Variants in SORT1 observed in about 807,000 individuals in gnomAD.
SORT1 encodes sortilin 1, also known as sortilin.
SORT1 carries 39 observed loss-of-function variants against 101.7 expected under a neutral mutation model. The ratio of observed to expected loss-of-function variants is 0.38; its 90% CI spans 0.30 to 0.50. The LOEUF (loss-of-function observed/expected upper bound fraction) is 0.50. SORT1 is among the 20% of genes least tolerant of loss of function. The pLI, the probability that SORT1 is intolerant of heterozygous loss-of-function variation, is 0.90. For missense variants in SORT1, 878 were observed against 1,040.4 expected, an observed-to-expected ratio of 0.84 and a Z score of 2.15; for synonymous variants, 396 against 393.7, an observed-to-expected ratio of 1.01 and a Z score of -0.07.
intron 3 of SORT1, among the ~76,000 whole-genome samples, chr1:109,362,938 C>T (rs907486520): frequency 2.0e-5 from 3 of 152,110 alleles, no homozygotes; most frequent in African/African-American, 7.2e-5. Context: ...TGTTACACAA[C>T]ATGCCTTGAA....
intron 13 of SORT1, among the ~76,000 whole-genome samples, 200 bp from the exon 14 acceptor site, chr1:109,325,289 G>A (rs1051538693): frequency 7.2e-6 from 1 of 138,320 alleles, no homozygotes; most frequent in Non-Finnish European, 1.5e-5. Context: ...CCGGGCTGGA[G>A]TGCAGTGGCG....
intron 3 of SORT1, 44 bp downstream of exon 3, chr1:109,367,364 A>C (rs761156448): frequency 3.7e-6 from 4 of 1,085,872 alleles, no homozygotes; most frequent in Non-Finnish European, 5.6e-6. Flanking sequence ...CTATATTCTC[A>C]ATGTTACTTA....
chr1:109,337,093 C>T (rs1648884622), intron 10 of SORT1, among the ~76,000 whole-genome samples: 2 of 151,616 alleles, frequency 1.3e-5, no homozygotes, highest in African/African-American at 4.8e-5. Flanking sequence ...GGATTAATAA[C>T]TCTGAATTAT....
chr1:109,365,904 A>G (rs1651054797), intron 3 of SORT1, among the ~76,000 whole-genome samples: 2 of 152,210 alleles, frequency 1.3e-5, no homozygotes, highest in South Asian at 4.1e-4. Context: ...AAGAGAGGTT[A>G]GGCTAATCCA....
In SORT1 at chr1:109,322,987, A is replaced by G; in HGVS notation, c.1969T>C (p.Tyr657His). Residue 657 changes from tyrosine (Y) to histidine (H), a missense_variant, in exon 15 of 20, where the codon TAT becomes CAT. By Grantham distance (83) the Tyr-to-His change is moderately conservative. Transcript: ENST00000256637. ...KSSVCQNGRD[Y>H]VVTKQPSICL... ...ATGGAGGGCTGCTTGGTCACAACATAGTCTCGACCATTCTGACACACGGAT... is the reference window on the plus strand; with the variant it reads ...ATGGAGGGCTGCTTGGTCACAACATGGTCTCGACCATTCTGACACACGGAT... The G allele has an allele frequency of 6.2e-7, 1 of 1,614,196 alleles. No homozygotes were observed.
At chr1:109,372,936 G>T (rs1247168761) in intron 1 of SORT1, among the ~76,000 whole-genome samples, 2 of 150,840 alleles carry the variant, frequency 1.3e-5, no homozygotes, top group Non-Finnish European at 2.9e-5. Flanking sequence ...TTAGCCAGGC[G>T]CGGTAGCTAC....
intron 1 of SORT1, among the ~76,000 whole-genome samples, chr1:109,383,303 C>G (rs1652376740): frequency 6.6e-6 from 1 of 152,146 alleles, no homozygotes; most frequent in East Asian, 1.9e-4. Flanking sequence ...TCTTCACATA[C>G]CTGCCCTCTT....
At chr1:109,324,443 T>C (rs1339065769) in intron 14 of SORT1, among the ~76,000 whole-genome samples, 1 of 152,188 alleles carries the variant, frequency 6.6e-6, no homozygotes, top group African/African-American at 2.4e-5. Flanking sequence ...GCCATTCCCC[T>C]TATTTCTTAG....
intron 11 of SORT1, among the ~76,000 whole-genome samples, chr1:109,332,259 A>G (rs1297661285): frequency 2.6e-5 from 4 of 152,200 alleles, no homozygotes; most frequent in African/African-American, 9.7e-5. Context: ...TACCTGCTAT[A>G]TTTCAGGCAC....
chr1:109,334,692 G>C (rs1310650441), intron 11 of SORT1, among the ~76,000 whole-genome samples: 1 of 152,130 alleles, frequency 6.6e-6, no homozygotes, highest in Admixed American at 6.5e-5. Flanking sequence ...ACACACAAAA[G>C]ATAATTGTGA....
Position 109,327,579 on chromosome 1 carries a change from G to A in SORT1, c.1394C>T (p.Ser465Phe), listed in dbSNP as rs1480963288. ...ATTCAGTTTCTGGGAGATGCTGTAG[G>A]AAGCATGAATATGAAGGCTGCACTG... ...KNECSLHIHA[S>F]YSISQKLNVP... Residue 465 changes from serine (S) to phenylalanine (F), a missense_variant, in exon 12 of 20, where the codon TCC becomes TTC. Physicochemically the swap from Ser to Phe is radical, Grantham distance 155. Around this residue, in one of 2 missense-constraint regions of SORT1, gnomAD observed 684 missense variants for 894.5 expected, o/e 0.76. Coordinates refer to ENST00000256637, the MANE Select transcript of SORT1 (RefSeq NM_002959.7). The A allele has an allele frequency of 1.2e-6, 2 of 1,608,800 alleles. No homozygotes were observed. The highest frequency in any genetic ancestry group is 4.5e-5 in the East Asian group (2 of 44,506).
rs530772802 is a variant in SORT1 at position 109,309,900 on chromosome 1, G to C, written c.*4143C>G. ...GGCAGCTGTCCCACAGCCTGGGGAA[G>C]GACCACATGCTCAGAAAGGGAACAA... On this transcript the variant is annotated 3_prime_UTR_variant, in exon 20 of 20. Coordinates refer to ENST00000256637, the MANE Select transcript of SORT1 (RefSeq NM_002959.7). 6.5e-6 allele frequency: 1 copy of C among 152,746 alleles called. No homozygotes were observed. Among genetic ancestry groups the C allele is most frequent in the Non-Finnish European group, 1.5e-5 (1 of 68,028 alleles). The allele number at this position is 152,746 out of a possible 1,614,324, so 9.5% of individuals were successfully genotyped here. A position where few individuals can be genotyped will look rare whatever the true frequency, so the allele number is the denominator to read the frequency against.
intron 6 of SORT1, among the ~76,000 whole-genome samples, chr1:109,348,827 C>T (rs901828007): frequency 6.6e-6 from 1 of 152,078 alleles, no homozygotes; most frequent in Non-Finnish European, 1.5e-5. Flanking sequence ...TTTAACAAAA[C>T]TTAGCCAGGT....
intron 3 of SORT1, 136 bp downstream of exon 3, chr1:109,367,272 G>A (rs1211918956): frequency 1.6e-6 from 1 of 609,324 alleles, no homozygotes; most frequent in Non-Finnish European, 2.9e-6. Context: ...TGCTGAGTGT[G>A]ACAGTCTGGT....
At chr1:109,318,893 C>T (rs148858750) in intron 15 of SORT1, among the ~76,000 whole-genome samples, 1,875 of 152,290 alleles carry the variant, frequency 0.012, 24 homozygotes, top group Non-Finnish European at 0.019. Flanking sequence ...GATCTGTCCA[C>T]CTCAGCCTCC....
chr1:109,373,912 C>T (rs1168376458), intron 1 of SORT1, among the ~76,000 whole-genome samples: 2 of 151,788 alleles, frequency 1.3e-5, no homozygotes, highest in African/African-American at 4.8e-5. Flanking sequence ...AGCAAGACCC[C>T]CATTTCCACA....
chr1:109,396,034 T>G (rs1343899319), intron 1 of SORT1, among the ~76,000 whole-genome samples: 1 of 151,948 alleles, frequency 6.6e-6, no homozygotes, highest in Non-Finnish European at 1.5e-5. Context: ...CAGTGAGCTG[T>G]GATCACACCA....
chr1:109,373,286 T>TCTGGG (rs1360501792), intron 1 of SORT1, among the ~76,000 whole-genome samples: 4 of 152,062 alleles, frequency 2.6e-5, no homozygotes, highest in African/African-American at 9.7e-5. Context: ...GAGAGGAAGC[T>TCTGGG]GATATATCGT....
At chr1:109,364,210 A>G (rs751244523) in intron 3 of SORT1, among the ~76,000 whole-genome samples, 3 of 152,216 alleles carry the variant, frequency 2.0e-5, no homozygotes, top group Non-Finnish European at 4.4e-5. Context: ...TCACAAGACT[A>G]GACAAAAACA....
Sources: gnomAD v4.1 joint callset for allele counts (sites outside exome capture counted in the v4.1 genomes callset) on GRCh38, gnomAD v4.1.1 for gene constraint, gnomAD v4.1.1 regional missense constraint, MANE v1.5 for transcripts, NCBI Gene and HGNC (gene_info 2026-07-23, HGNC 2026-07-21) for gene names.